NFIB: variants seen among roughly 807,000 people sequenced by gnomAD.
NFIB encodes the protein nuclear factor I B, also known as nuclear factor 1 B-type.
NFIB carries 11 observed loss-of-function variants against 61.5 expected under a neutral mutation model. That is an observed-to-expected ratio of 0.18 (90% CI 0.11 to 0.30). The LOEUF (loss-of-function observed/expected upper bound fraction) is 0.30. Ranked by LOEUF, NFIB falls within the 10% of genes least tolerant of loss-of-function variation. The pLI is 1.00. For synonymous variants in NFIB, 260 were observed against 216.5 expected, an observed-to-expected ratio of 1.20 and a Z score of -1.76; for missense variants, 471 against 608.9, an observed-to-expected ratio of 0.77 and a Z score of 2.38.
At chr9:14,130,549 T>TG (rs2040280595) in intron 6 of NFIB, among the ~76,000 whole-genome samples, 2 of 152,306 alleles carry the variant, frequency 1.3e-5, no homozygotes, top group South Asian at 4.1e-4. Context: ...TTTTTCATTG[T>TG]TATTTACTTG....
At chr9:14,475,688 GT>G in the NFIB span, among the ~76,000 whole-genome samples, 1 of 152,022 alleles carries the variant, frequency 6.6e-6, no homozygotes, top group Non-Finnish European at 1.5e-5. Flanking sequence ...AAGGGTATAT[GT>G]TTCAGGACCT....
At chr9:14,141,079 G>A (rs1378643573) in intron 6 of NFIB, among the ~76,000 whole-genome samples, 9 of 152,134 alleles carry the variant, frequency 5.9e-5, no homozygotes, top group South Asian at 4.1e-4. Context: ...GGCTTAATGC[G>A]TTTGACATTT....
chr9:14,216,516 C>G lies in NFIB; in HGVS notation c.563-36736G>C, dbSNP rs1019814542. Among the ~76,000 whole-genome samples, 15 of 45,212 alleles carry G rather than the reference C, an allele frequency of 3.3e-4. No individual in the cohort carries two copies. The East Asian group carries it at 3.6e-3, about 11-fold the overall frequency. 29.7% of individuals were successfully genotyped at this position (45,212 alleles called of 152,430 possible). The stretch of plus-strand genomic sequence containing the variant: ...TTTCTCTCTCTCTCTCTCTCTCTCT[C>G]TCTCTCTCTCTCTCTCTCTCTCTCT... On this transcript the variant is annotated intron_variant, in intron 2 of 10. Coordinates refer to ENST00000380953, the MANE Select transcript of NFIB (RefSeq NM_001190737.2).
At chr9:14,201,854 A>G (rs1278473370) in intron 2 of NFIB, among the ~76,000 whole-genome samples, 1 of 152,162 alleles carries the variant, frequency 6.6e-6, no homozygotes, top group Admixed American at 6.5e-5. Flanking sequence ...TTAACATTCA[A>G]TATTCTGATT....
At chr9:14,090,749 G>T (rs2033772894) in intron 10 of NFIB, among the ~76,000 whole-genome samples, 2 of 152,010 alleles carry the variant, frequency 1.3e-5, no homozygotes, top group Non-Finnish European at 2.9e-5. Flanking sequence ...AAATTAACAA[G>T]AGTGCCAAAT....
At chr9:14,346,009 G>A (rs1297543949) in intron 1 of NFIB, among the ~76,000 whole-genome samples, 1 of 152,182 alleles carries the variant, frequency 6.6e-6, no homozygotes, top group Non-Finnish European at 1.5e-5. Context: ...GTGGTACAGG[G>A]ACCAGCCTAG....
chr9:14,247,790 G>A lies in NFIB; in HGVS notation c.562+59199C>T, dbSNP rs1030976500. Among the ~76,000 whole-genome samples the A allele has an allele frequency of 1.2e-4, 19 of 152,228 alleles. 1 individual carries two copies. In the Middle Eastern group the frequency reaches 0.027, roughly 218 times the overall value. ...AATTAGTGGGTACTCTGCATGCTTT[G>A]ATGTCACCTCATTAACAGTTTCACT... On this transcript the variant is annotated intron_variant, in intron 2 of 10. Coordinates refer to ENST00000380953, the MANE Select transcript of NFIB (RefSeq NM_001190737.2).
chr9:14,406,428 G>A, the NFIB span, among the ~76,000 whole-genome samples: 3 of 152,208 alleles, frequency 2.0e-5, no homozygotes, highest in Admixed American at 6.5e-5. Context: ...GGTGAGCCAT[G>A]AATCTGGACC....
At chr9:14,512,592 TA>T in the NFIB span, among the ~76,000 whole-genome samples, 1 of 152,248 alleles carries the variant, frequency 6.6e-6, no homozygotes, top group South Asian at 2.1e-4. Context: ...CATACAGAAA[TA>T]AAAAACGTAA....
the NFIB span, among the ~76,000 whole-genome samples, chr9:14,498,781 CCCTCCCTCCCTCCCTCCCTT>C: frequency 2.9e-4 from 33 of 112,342 alleles, no homozygotes; most frequent in South Asian, 4.8e-4. Flanking sequence ...CTCCCTCCCT[CCCTCCCTCCCTCCCTCCCTT>C]CCTCCCTTCC....
At chr9:14,423,182 A>C in the NFIB span, among the ~76,000 whole-genome samples, 1 of 152,188 alleles carries the variant, frequency 6.6e-6, no homozygotes, top group African/African-American at 2.4e-5. Context: ...TTTTGAGGAA[A>C]AGTCTGAGAG....
At chr9:14,229,771 G>T (rs147503639) in intron 2 of NFIB, among the ~76,000 whole-genome samples, 96 of 152,180 alleles carry the variant, frequency 6.3e-4, no homozygotes, top group African/African-American at 2.3e-3. Flanking sequence ...TCTGTTCCAG[G>T]CTCTAAAAAT....
the NFIB span, among the ~76,000 whole-genome samples, chr9:14,415,242 A>T: frequency 6.6e-6 from 1 of 152,140 alleles, no homozygotes; most frequent in Admixed American, 6.5e-5. Flanking sequence ...AGAGGCCACC[A>T]TGGTTGCTTG....
intron 2 of NFIB, among the ~76,000 whole-genome samples, chr9:14,260,517 C>T (rs964832958): frequency 1.3e-5 from 2 of 152,190 alleles, no homozygotes; most frequent in Non-Finnish European, 1.5e-5. Context: ...CTAACTTTTC[C>T]CTAAATCTCA....
At chr9:14,519,949 C>G in the NFIB span, among the ~76,000 whole-genome samples, 1 of 151,914 alleles carries the variant, frequency 6.6e-6, no homozygotes, top group Non-Finnish European at 1.5e-5. Flanking sequence ...ACATCCCATA[C>G]TCTCTCCCAT....
chr9:14,101,823 T>A (rs1308793951), intron 10 of NFIB, among the ~76,000 whole-genome samples: 1 of 152,220 alleles, frequency 6.6e-6, no homozygotes, highest in Non-Finnish European at 1.5e-5. Flanking sequence ...CAATCTTCCA[T>A]GAATCACATC....
the NFIB span, among the ~76,000 whole-genome samples, chr9:14,405,056 G>A: frequency 6.6e-6 from 1 of 152,200 alleles, no homozygotes; most frequent in South Asian, 2.1e-4. Context: ...TATTACCAGA[G>A]TTCTGGCTAA....
intron 1 of NFIB, chr9:14,347,458 C>T (rs1191801005): frequency 6.6e-6 from 1 of 152,440 alleles, no homozygotes. Context: ...CTGGGGCAAA[C>T]TTGAGCTGGC....
In NFIB at chr9:14,146,701, C is replaced by T. The variant is rs2042310864; in HGVS notation, c.913G>A (p.Glu305Lys). Reference protein sequence around the residue: ...SPAAGSRTWHERDQDMSSPTT... With the variant: ...SPAAGSRTWHKRDQDMSSPTT... ...CCTTATTACTCACCTTGATCTCTTT[C>T]GTGCCATGTTCGACTTCCAGCAGCT... Residue 305 changes from glutamate (E) to lysine (K), a missense_variant, in exon 6 of 11, where the codon GAA (glutamate) becomes AAA (lysine). Around this residue, in one of 2 missense-constraint regions of NFIB, gnomAD observed 372 missense variants for 395.6 expected, o/e 0.94. Coordinates refer to ENST00000380953, the MANE Select transcript of NFIB (RefSeq NM_001190737.2). 6.2e-7 allele frequency: 1 copy of T among 1,612,964 alleles called. No homozygotes were observed. Among genetic ancestry groups the T allele is most frequent in the Non-Finnish European group, 8.5e-7 (1 of 1,179,436 alleles).
Sources: gnomAD v4.1 joint callset for allele counts (sites outside exome capture counted in the v4.1 genomes callset) on GRCh38, gnomAD v4.1.1 for gene constraint, gnomAD v4.1.1 regional missense constraint, MANE v1.5 for transcripts, NCBI Gene and HGNC (gene_info 2026-07-23, HGNC 2026-07-21) for gene names.